DNAJC9: variants seen among roughly 807,000 people sequenced by gnomAD.
The protein encoded by DNAJC9 is DnaJ heat shock protein family (Hsp40) member C9, also known as dnaJ homolog subfamily C member 9.
A neutral mutation model predicts 32.4 loss-of-function variants in DNAJC9; 18 were observed. The ratio of observed to expected loss-of-function variants is 0.56; its 90% CI spans 0.38 to 0.82. DNAJC9 has a LOEUF of 0.82. DNAJC9 is among the 40% of genes least tolerant of loss of function. DNAJC9 has a pLI of 0.00. For missense variants in DNAJC9, 310 were observed against 321.8 expected, an observed-to-expected ratio of 0.96 and a Z score of 0.28; for synonymous variants, 113 against 122.1, an observed-to-expected ratio of 0.93 and a Z score of 0.49.
rs1009856196 is a variant in DNAJC9, at chr10:73,233,063, A to G, written n.147+10780T>C. On this transcript the variant is annotated intron_variant and non_coding_transcript_variant, in intron 2 of 2. Coordinates refer to the DNAJC9 transcript ENST00000469143. ...GTCATACACAGTGCAGTCCACCAGG[A>G]GACGCAATCCACCACCACGAACTCT... is the stretch of plus-strand genomic sequence containing the variant. 7.1e-6 allele frequency: 11 copies of G among 1,551,740 alleles called. No individual in the cohort carries two copies. The highest frequency in any genetic ancestry group is 9.6e-6 in the Non-Finnish European group (11 of 1,146,986).
chr10:73,233,830 A>G (rs1017184129), downstream of DNAJC9, among the ~76,000 whole-genome samples: 11 of 152,228 alleles, frequency 7.2e-5, 1 homozygote, highest in East Asian at 1.7e-3. Context: ...ACTCCAAAAT[A>G]ATAGTTAATT....
chr10:73,243,956 AG>A, intron 3 of DNAJC9, 27 bp from the exon 4 acceptor site: 2 of 1,584,902 alleles, frequency 1.3e-6, no homozygotes, highest in Non-Finnish European at 1.7e-6. Flanking sequence ...CATGAGACTC[AG>A]GGCCACCAGG....
intron 2 of DNAJC9, chr10:73,233,318 A>AT: frequency 1.6e-6 from 1 of 614,254 alleles, no homozygotes; most frequent in Non-Finnish European, 2.8e-6. Flanking sequence ...CCAACACAAA[A>AT]TTTTTTAATG....
At chr10:73,232,318 G>T (rs1354935594) in intron 2 of DNAJC9, among the ~76,000 whole-genome samples, 1 of 152,186 alleles carries the variant, frequency 6.6e-6, no homozygotes, top group Non-Finnish European at 1.5e-5. Context: ...ACAGAAAAGG[G>T]TTGTATTTCA....
chr10:73,234,790 C>T, downstream of DNAJC9: 1 of 1,549,680 alleles, frequency 6.5e-7, no homozygotes, highest in Non-Finnish European at 8.7e-7. Flanking sequence ...GCTTTCATAC[C>T]TTCGTGTTTG....
intron 2 of DNAJC9, chr10:73,233,204 C>T: frequency 7.5e-7 from 1 of 1,333,624 alleles, no homozygotes; most frequent in South Asian, 1.3e-5. Context: ...CGTGGTAAAA[C>T]TAACACATTT....
At chr10:73,239,031 A>G (rs1017187283), downstream of DNAJC9, 2 of 298,398 alleles carry the variant, frequency 6.7e-6, no homozygotes, top group East Asian at 1.2e-4. Context: ...GAACTAACTG[A>G]AATATTAAAC....
In DNAJC9 at chr10:73,247,075, A is replaced by G; in HGVS notation, c.115T>C (p.Ser39Pro). ...ACCCGGTCCGGGTGTACCTGCAGGG[A>G]CACCTTGTGGTAGCCTCGTCGGACC... ...GEVRRGYHKV[S>P]LQVHPDRVGE... Residue 39 changes from serine to proline, a missense_variant, in exon 1 of 5, where the codon TCC becomes CCC. By Grantham distance (74) the Ser-to-Pro change is moderately conservative. Coordinates refer to ENST00000372950, the MANE Select transcript of DNAJC9 (RefSeq NM_015190.5). 6.3e-7 allele frequency: 1 copy of G among 1,591,992 alleles called. No individual in the cohort carries two copies. Among genetic ancestry groups the G allele is most frequent in the South Asian group, 1.1e-5 (1 of 88,242 alleles).
chr10:73,235,312 A>T, downstream of DNAJC9: 1 of 1,552,080 alleles, frequency 6.4e-7, no homozygotes. Flanking sequence ...CAACTCAATC[A>T]TTTTTGGTAG....
At chr10:73,246,957 G>C in intron 1 of DNAJC9, 53 bp downstream of exon 1, 2 of 1,559,086 alleles carry the variant, frequency 1.3e-6, no homozygotes, top group Non-Finnish European at 1.7e-6. Context: ...GTAGCCAAAA[G>C]GCTAGGGGGA....
rs763077555 is a variant in DNAJC9 at position 73,246,163 on chromosome 10, T to C, written c.335A>G (p.Asp112Gly). The change falls in exon 3 of 5, where the codon GAC (aspartate) becomes GGC (glycine). Residue 112 changes from aspartate to glycine, a missense_variant. Physicochemically the swap from Asp to Gly is moderately conservative, Grantham distance 94. Coordinates refer to ENST00000372950, the MANE Select transcript of DNAJC9 (RefSeq NM_015190.5). ...GTATGTCTTTTCAAAAGCTTGAATG[T>C]CCTCTAAAGATATCTGATGATAAAG... is the stretch of plus-strand genomic sequence containing the variant. The part of the protein sequence containing the change: ...RLLFKKISLE[D>G]IQAFEKTYKG... The C allele has an allele frequency of 4.3e-5, 69 of 1,608,890 alleles. No individual in the cohort carries two copies. The highest frequency in any genetic ancestry group is 2.4e-4 in the Admixed American group (14 of 58,180).
downstream of DNAJC9, chr10:73,239,363 C>T (rs1424052665): frequency 1.5e-5 from 24 of 1,551,524 alleles, no homozygotes; most frequent in Admixed American, 1.6e-4. Flanking sequence ...TCATCAGGCC[C>T]GACCTGGCAG....
chr10:73,239,595 A>C (rs113995570), downstream of DNAJC9, among the ~76,000 whole-genome samples: 1 of 152,036 alleles, frequency 6.6e-6, no homozygotes, highest in African/African-American at 2.4e-5. Context: ...AAAAAGTTTC[A>C]GATTCCTATT....
chr10:73,236,744 A>G (rs974840901), downstream of DNAJC9, among the ~76,000 whole-genome samples: 13 of 137,534 alleles, frequency 9.5e-5, no homozygotes, highest in African/African-American at 3.6e-4. Flanking sequence ...TTTTTTTAAG[A>G]CAGGGTCTCA....
chr10:73,241,026 T>A (rs1345478940), downstream of DNAJC9: 1 of 1,500,518 alleles, frequency 6.7e-7, no homozygotes, highest in South Asian at 1.2e-5. Flanking sequence ...ATAAGGCAAA[T>A]GAGAAGAATC....
downstream of DNAJC9, chr10:73,241,053 A>G (rs1458219274): frequency 8.2e-7 from 1 of 1,214,762 alleles, no homozygotes; most frequent in South Asian, 1.3e-5. Flanking sequence ...GCTGCAGGAA[A>G]CACGAGATTT....
At chr10:73,240,475 G>A (rs1233756220), downstream of DNAJC9, among the ~76,000 whole-genome samples, 1 of 152,160 alleles carries the variant, frequency 6.6e-6, no homozygotes, top group Admixed American at 6.5e-5. Flanking sequence ...CACTTTCGGA[G>A]GCCAAGGCGG....
downstream of DNAJC9, among the ~76,000 whole-genome samples, chr10:73,238,504 G>A (rs925035405): frequency 1.3e-5 from 2 of 152,228 alleles, no homozygotes; most frequent in African/African-American, 4.8e-5. Flanking sequence ...ACTTTTATTG[G>A]AGCAGTGCCA....
downstream of DNAJC9, chr10:73,240,953 G>A (rs2043936679): frequency 6.5e-7 from 1 of 1,537,740 alleles, no homozygotes; most frequent in Non-Finnish European, 8.8e-7. Context: ...CAGGTCCTCA[G>A]TTACATGGGT....
Sources: allele counts gnomAD v4.1 joint callset (sites outside exome capture counted in the v4.1 genomes callset), GRCh38; gene constraint gnomAD v4.1.1; transcripts MANE v1.5; gene names NCBI Gene and HGNC (gene_info 2026-07-23, HGNC 2026-07-21).